KHDRBS2: variants seen among roughly 807,000 people sequenced by gnomAD.
KHDRBS2 encodes the protein KH RNA binding domain containing, signal transduction associated 2, also known as KH domain-containing, RNA-binding, signal transduction-associated protein 2.
Under a neutral mutation model 44.3 loss-of-function variants are expected in KHDRBS2, and 26 were observed. The ratio of observed to expected loss-of-function variants is 0.59; its 90% CI spans 0.43 to 0.81. The LOEUF is 0.81. Among genes scored for constraint, KHDRBS2 ranks in the 40% least tolerant of loss-of-function variants. The pLI is 0.00. For synonymous variants in KHDRBS2, 194 were observed against 151.1 expected (o/e 1.28, Z -2.08); for missense variants, 476 against 433.1 (o/e 1.10, Z -0.88).
the KHDRBS2 span, among the ~76,000 whole-genome samples, chr6:61,586,789 G>A: frequency 6.6e-6 from 1 of 152,176 alleles, no homozygotes; most frequent in South Asian, 2.1e-4. Context: ...GGGAGACGGA[G>A]GGCCCTGAAG....
At chr6:61,838,786 T>C (rs1317872686) in intron 6 of KHDRBS2, among the ~76,000 whole-genome samples, 2 of 152,094 alleles carry the variant, frequency 1.3e-5, no homozygotes, top group Non-Finnish European at 2.9e-5. Flanking sequence ...TGTATTTCTG[T>C]ACTTGCTTAC....
chr6:61,646,424 G>A, the KHDRBS2 span, among the ~76,000 whole-genome samples: 1 of 151,992 alleles, frequency 6.6e-6, no homozygotes, highest in African/African-American at 2.4e-5. Flanking sequence ...TTTCCTCCAA[G>A]GACAACTACT....
At chr6:61,904,085 G>A (rs1291729607) in intron 4 of KHDRBS2, among the ~76,000 whole-genome samples, 1 of 152,202 alleles carries the variant, frequency 6.6e-6, no homozygotes, top group Non-Finnish European at 1.5e-5. Flanking sequence ...GTACATGAGA[G>A]ATATATTTCA....
At chr6:61,656,471 T>C in the KHDRBS2 span, among the ~76,000 whole-genome samples, 456 of 152,140 alleles carry the variant, frequency 3.0e-3, 4 homozygotes, top group African/African-American at 0.011. Flanking sequence ...AGCAGTGTCT[T>C]CTTTAAATAT....
chr6:61,809,653 T>G (rs1010627633), intron 6 of KHDRBS2, among the ~76,000 whole-genome samples: 1 of 152,126 alleles, frequency 6.6e-6, no homozygotes, highest in African/African-American at 2.4e-5. Flanking sequence ...CAATGTCAGG[T>G]TAAACTGCTG....
At chr6:61,699,916 A>C (rs923238175) in intron 7 of KHDRBS2, among the ~76,000 whole-genome samples, 13 of 151,962 alleles carry the variant, frequency 8.6e-5, no homozygotes, top group Non-Finnish European at 1.3e-4. Context: ...GAATGACTTG[A>C]GATTGTAGAA....
At chr6:61,673,695 TACCTA>T in the KHDRBS2 span, among the ~76,000 whole-genome samples, 1 of 137,794 alleles carries the variant, frequency 7.3e-6, no homozygotes, top group African/African-American at 2.7e-5. Context: ...GAGAATAAAA[TACCTA>T]GGAATCCAAC....
At chr6:62,024,130 A>G (rs1232805764) in intron 3 of KHDRBS2, among the ~76,000 whole-genome samples, 2 of 151,368 alleles carry the variant, frequency 1.3e-5, no homozygotes, top group African/African-American at 4.8e-5. Flanking sequence ...TACCAATAGA[A>G]TTTATAATAG....
chr6:61,928,839 GATGCTTTAGAAACATATTATAAA>G, intron 4 of KHDRBS2, among the ~76,000 whole-genome samples: 1 of 152,036 alleles, frequency 6.6e-6, no homozygotes, highest in Non-Finnish European at 1.5e-5. Context: ...TAGATTTTAT[GATGCTTTAGAAACATATTATAAA>G]ACTAGGATTG....
In KHDRBS2 at chr6:61,916,965, A is replaced by ATTTTT. The variant is rs10700035; in HGVS notation, c.484-15599_484-15595dup. Among the ~76,000 whole-genome samples, 891 of 90,404 alleles carry ATTTTT rather than the reference A, an allele frequency of 9.9e-3. 22 individuals are homozygous for ATTTTT. The highest frequency in any genetic ancestry group is 0.023 in the East Asian group (63 of 2,792). 59.3% of individuals were successfully genotyped at this position (90,404 alleles called of 152,430 possible). On this transcript the variant is annotated intron_variant, in intron 4 of 8. Coordinates refer to ENST00000281156, the MANE Select transcript of KHDRBS2 (RefSeq NM_152688.4). The stretch of plus-strand genomic sequence containing the variant: ...GGATGTGGAGAAACAGGAACTCTGT[A>ATTTTT]TTTTTTTTTTTTTTTTTTTTTTTTG...
At chr6:62,153,920 C>T (rs747326932) in intron 2 of KHDRBS2, among the ~76,000 whole-genome samples, 6 of 152,188 alleles carry the variant, frequency 3.9e-5, no homozygotes, top group Admixed American at 2.0e-4. Context: ...ACTATGTTAT[C>T]CACCACCTGC....
the KHDRBS2 span, among the ~76,000 whole-genome samples, chr6:61,663,927 TCA>T: frequency 1.3e-5 from 2 of 151,638 alleles, no homozygotes; most frequent in South Asian, 2.1e-4. Flanking sequence ...AAATGTACAC[TCA>T]TGTAAAAATG....
chr6:62,093,869 T>TGTGTGA lies in KHDRBS2; in HGVS notation c.220-45876_220-45875insTCACAC, dbSNP rs1461246379. ...TATTCCATTGTTTTGTGTGTGTGTGTGTGTGTGTGTGTGTGTGTGTGTGTA... is the reference window on the plus strand; with the variant it reads ...TATTCCATTGTTTTGTGTGTGTGTGTGTGTGAGTGTGTGTGTGTGTGTGTGTGTGTA... On this transcript the variant is annotated intron_variant, in intron 2 of 8. Transcript: ENST00000281156. 4.7e-3 allele frequency among the ~76,000 whole-genome samples: 694 copies of TGTGTGA among 148,784 alleles called. 7 individuals carry two copies. The highest frequency in any genetic ancestry group is 0.016 in the African/African-American group (658 of 40,382).
At chr6:62,187,085 T>TC (rs1823595369) in intron 1 of KHDRBS2, among the ~76,000 whole-genome samples, 1 of 152,120 alleles carries the variant, frequency 6.6e-6, no homozygotes, top group East Asian at 1.9e-4. Flanking sequence ...AGTTCCACAG[T>TC]CCATCATGCT....
chr6:61,681,428 A>T (rs1475530374), intron 8 of KHDRBS2, among the ~76,000 whole-genome samples: 3 of 151,996 alleles, frequency 2.0e-5, no homozygotes, highest in African/African-American at 7.2e-5. Flanking sequence ...AATCAAAATA[A>T]AAGATAACTA....
chr6:62,159,537 T>C lies in KHDRBS2; in HGVS notation c.219+17648A>G, dbSNP rs182208959. 2.6e-5 allele frequency among the ~76,000 whole-genome samples: 4 copies of C among 152,190 alleles called. No homozygotes were observed. In the East Asian group the frequency reaches 7.7e-4, roughly 29 times the overall value. On this transcript the variant is annotated intron_variant, in intron 2 of 8. Transcript: ENST00000281156. ...AACTGTGCTTCCATAAGTGGGAGTA[T>C]CTTAGAGAAGAGACTACATAATTAA...
chr6:61,837,929 A>G (rs938773713), intron 6 of KHDRBS2, among the ~76,000 whole-genome samples: 8 of 152,078 alleles, frequency 5.3e-5, no homozygotes, highest in African/African-American at 1.9e-4. Context: ...AGAAAAATAT[A>G]TAACTGAGAA....
intron 6 of KHDRBS2, among the ~76,000 whole-genome samples, chr6:61,756,977 T>G (rs1163414476): frequency 6.6e-6 from 1 of 152,106 alleles, no homozygotes; most frequent in Non-Finnish European, 1.5e-5. Context: ...AGAATGCACA[T>G]TTTTTACAGT....
At chr6:62,021,891 G>A (rs2127280772) in intron 3 of KHDRBS2, among the ~76,000 whole-genome samples, 1 of 149,768 alleles carries the variant, frequency 6.7e-6, no homozygotes, top group Admixed American at 6.7e-5. Context: ...AGAGACTACG[G>A]GTAAATATGC....
Sources: allele counts gnomAD v4.1 joint callset (sites outside exome capture counted in the v4.1 genomes callset), GRCh38; gene constraint gnomAD v4.1.1; transcripts MANE v1.5; gene names NCBI Gene and HGNC (gene_info 2026-07-23, HGNC 2026-07-21).